Variants in PTPRA observed in about 807,000 individuals in gnomAD.
PTPRA encodes the protein receptor-type tyrosine-protein phosphatase alpha.
A neutral mutation model predicts 104.8 loss-of-function variants in PTPRA; 25 were observed. That is an observed-to-expected ratio of 0.24 (90% CI 0.17 to 0.33). PTPRA has a LOEUF of 0.33. PTPRA is among the 10% of genes least tolerant of loss of function. The pLI is 1.00. For synonymous variants in PTPRA, 323 were observed against 368.9 expected (o/e 0.88, Z 1.43); for missense variants, 765 against 1,015.3 (o/e 0.75, Z 3.35).
At chr20:3,016,528 G>A (rs895936321) in intron 12 of PTPRA, among the ~76,000 whole-genome samples, 2 of 152,202 alleles carry the variant, frequency 1.3e-5, no homozygotes, top group Admixed American at 6.5e-5. Context: ...CAGGAGGATC[G>A]TTTGAGCCCA....
chr20:2,984,102 CCAGT>C (rs2062802322), intron 6 of PTPRA, among the ~76,000 whole-genome samples: 1 of 151,860 alleles, frequency 6.6e-6, no homozygotes, highest in Non-Finnish European at 1.5e-5. Context: ...GAGTGATCAG[CCAGT>C]CTGAACACTC....
the PTPRA span, chr20:2,866,196 C>T: frequency 6.2e-7 from 1 of 1,613,404 alleles, no homozygotes; most frequent in Non-Finnish European, 8.5e-7. Context: ...CCTCCACCCG[C>T]TTCCTCTCCT....
intron 3 of PTPRA, among the ~76,000 whole-genome samples, chr20:2,963,108 G>A (rs989347913): frequency 6.6e-6 from 1 of 152,152 alleles, no homozygotes; most frequent in Non-Finnish European, 1.5e-5. Flanking sequence ...ATGGTTCGAG[G>A]TGGAATAAAG....
chr20:2,890,247 G>A (rs191424193), intron 1 of PTPRA, among the ~76,000 whole-genome samples: 1,899 of 151,788 alleles, frequency 0.013, 34 homozygotes, highest in Admixed American at 0.064. Context: ...TGGTCAAATT[G>A]GATTTTGTGT....
At chr20:2,905,443 A>G (rs2059389641) in intron 1 of PTPRA, among the ~76,000 whole-genome samples, 1 of 152,188 alleles carries the variant, frequency 6.6e-6, no homozygotes, top group African/African-American at 2.4e-5. Flanking sequence ...TTACACTTCC[A>G]GGGGTCAGTA....
rs1034047882 is a variant in PTPRA at position 3,008,742 on chromosome 20, AAAC to A, written c.906+1325_906+1327del. ...CTCATCTCTACTAAAAAAAAAAAAA[AAAC>A]AAAAAAAAAAAAAACAACTTAGCCG... On this transcript the variant is annotated intron_variant, in intron 11 of 23. Transcript: ENST00000399903. 1.9e-4 allele frequency among the ~76,000 whole-genome samples: 22 copies of A among 118,760 alleles called. 2 individuals are homozygous for A. The highest frequency in any genetic ancestry group is 2.7e-4 in the Non-Finnish European group (17 of 62,416). 77.9% of individuals were successfully genotyped at this position (118,760 alleles called of 152,430 possible). A position where few individuals can be genotyped will look rare whatever the true frequency, so the allele number is the denominator to read the frequency against.
At chr20:2,955,731 C>A in intron 3 of PTPRA, 1 of 893,484 alleles carries the variant, frequency 1.1e-6, no homozygotes, top group Non-Finnish European at 1.3e-6. Context: ...TCAGCACCCA[C>A]CTACTCCTGC....
chr20:2,911,172 C>T (rs1169190283), intron 1 of PTPRA, among the ~76,000 whole-genome samples: 1 of 152,094 alleles, frequency 6.6e-6, no homozygotes, highest in Non-Finnish European at 1.5e-5. Flanking sequence ...TCAAACTCTT[C>T]CTTAAAATAG....
At chr20:3,010,680 G>A (rs2064128833) in intron 11 of PTPRA, among the ~76,000 whole-genome samples, 1 of 152,138 alleles carries the variant, frequency 6.6e-6, no homozygotes, top group Non-Finnish European at 1.5e-5. Context: ...ATCCAGCACA[G>A]AAGAGGAACA....
At chr20:2,865,954 T>G in the PTPRA span, 3 of 523,314 alleles carry the variant, frequency 5.7e-6, no homozygotes, top group Admixed American at 3.3e-5. This position sits in a 1 kb window ranked among gnomAD's most constrained non-coding sequence, Gnocchi z 5.2. Context: ...TTGCAAGGGG[T>G]AATGGTGGGT....
In PTPRA at chr20:3,037,286, A is replaced by G. The variant is rs1256523690; in HGVS notation, c.2331A>G (p.Thr777=). The G allele has an allele frequency of 1.9e-6, 3 of 1,614,060 alleles. No homozygotes were observed. The highest frequency in any genetic ancestry group is 1.7e-5 in the Admixed American group (1 of 60,012). The change falls in exon 23 of 24, where the codon ACA becomes ACG. Residue 777 remains threonine, a synonymous_variant. Transcript: ENST00000399903. The surrounding 1 kb of genome is among the most constrained non-coding windows in gnomAD (Gnocchi z 4.3). ...LRLQRPHMVQ[T]LEQYEFCYKV... ...TACAGAGGCCACACATGGTCCAGAC[A>G]CTGGTATGCTGCCCACATATTTGTC...
chr20:2,959,699 TC>T (rs2061678247), intron 3 of PTPRA, among the ~76,000 whole-genome samples: 1 of 152,118 alleles, frequency 6.6e-6, no homozygotes, highest in Non-Finnish European at 1.5e-5. Flanking sequence ...ACACCTGTAA[TC>T]CCAGCACTTT....
intron 2 of PTPRA, among the ~76,000 whole-genome samples, chr20:2,933,312 A>G (rs2060572432): frequency 6.6e-6 from 1 of 152,046 alleles, no homozygotes; most frequent in Non-Finnish European, 1.5e-5. Flanking sequence ...GCTTTTATCC[A>G]TCTTTCCATG....
intron 11 of PTPRA, among the ~76,000 whole-genome samples, chr20:3,013,032 A>C (rs1327742537): frequency 6.6e-6 from 1 of 152,160 alleles, no homozygotes; most frequent in East Asian, 1.9e-4. Flanking sequence ...CAATTTTAGA[A>C]CATTGTCATC....
intron 13 of PTPRA, among the ~76,000 whole-genome samples, chr20:3,020,062 T>G (rs540975678): frequency 6.7e-6 from 1 of 150,114 alleles, no homozygotes; most frequent in East Asian, 2.1e-4. Flanking sequence ...AGGGAGACCG[T>G]GGAAAGAGAG....
intron 1 of PTPRA, among the ~76,000 whole-genome samples, chr20:2,884,410 G>C (rs1445541164): frequency 6.6e-6 from 1 of 152,084 alleles, no homozygotes; most frequent in Non-Finnish European, 1.5e-5. Context: ...ATGCTTAGGG[G>C]TCCCAATGTC....
At chr20:2,989,173 G>A (rs538354326) in intron 9 of PTPRA, among the ~76,000 whole-genome samples, 21 of 152,162 alleles carry the variant, frequency 1.4e-4, no homozygotes, top group Non-Finnish European at 2.6e-4. Flanking sequence ...GGTGACTCAC[G>A]CCTGTAATCC....
chr20:2,913,818 G>A (rs2059804943), intron 1 of PTPRA, among the ~76,000 whole-genome samples: 1 of 152,100 alleles, frequency 6.6e-6, no homozygotes, highest in Non-Finnish European at 1.5e-5. Context: ...ATGAGGAGGA[G>A]GAGGAGGTAC....
intron 3 of PTPRA, chr20:2,955,698 G>A: frequency 2.0e-6 from 2 of 982,622 alleles, no homozygotes; most frequent in Non-Finnish European, 2.4e-6. Context: ...CTCCCCTGGT[G>A]GTATGTATCA....
Sources: gnomAD v4.1 joint callset for allele counts (sites outside exome capture counted in the v4.1 genomes callset) on GRCh38, gnomAD v4.1.1 for gene constraint, Gnocchi (gnomAD v3.1) non-coding constraint, MANE v1.5 for transcripts, NCBI Gene and HGNC (gene_info 2026-07-23, HGNC 2026-07-21) for gene names.